The following PRDM14 variants were observed in gnomAD, a reference collection of about 807,000 sequenced individuals.
PRDM14 encodes the protein PR/SET domain 14, also known as PR domain zinc finger protein 14.
In PRDM14, 16 loss-of-function variants were observed where a neutral mutation model predicts 48.0. The observed-to-expected ratio is 0.33, with a 90% CI of 0.23 to 0.51. The LOEUF (loss-of-function observed/expected upper bound fraction) is 0.51, where lower values mean the gene tolerates loss of function less well. PRDM14 is among the 20% of genes least tolerant of loss of function. PRDM14 has a pLI of 0.97. For missense variants in PRDM14, 566 were observed against 719.6 expected (o/e 0.79, Z 2.44); for synonymous variants, 264 against 276.6 (o/e 0.95, Z 0.45).
rs1268237792 is a variant in PRDM14 at position 70,068,290 on chromosome 8, T to C, written c.852A>G (p.Gln284=). 1 of 1,614,180 alleles carries C rather than the reference T, an allele frequency of 6.2e-7. No homozygotes were observed. Among genetic ancestry groups the C allele is most frequent in the Non-Finnish European group, 8.5e-7 (1 of 1,180,034 alleles). The part of the protein sequence containing the change: ...IAKGVRFGPF[Q]GKVVNASEVK... ...CTTCACTGGCATTGACCACTTTACC[T>C]TGAAAGGGCCCAAACCTGACTCCTT... The change falls in exon 4 of 8, where the codon CAA becomes CAG. Residue 284 remains glutamine, a synonymous_variant. Coordinates refer to ENST00000276594, the MANE Select transcript of PRDM14 (RefSeq NM_024504.4).
Position 70,069,389 on chromosome 8 carries a change from A to G in PRDM14, c.472T>C (p.Ser158Pro). 2 of 1,610,858 alleles carry G rather than the reference A, an allele frequency of 1.2e-6. No individual in the cohort carries two copies. Among genetic ancestry groups the G allele is most frequent in the Admixed American group, 1.7e-5 (1 of 59,614 alleles). Residue 158 changes from serine (S) to proline (P), a missense_variant, in exon 2 of 8, where the codon TCT becomes CCT. Coordinates refer to ENST00000276594, the MANE Select transcript of PRDM14 (RefSeq NM_024504.4). Reference sequence around the variant, plus strand: ...GTCCTCAGCCCCTCAGGTAACAGAGAAGCATCCGCAGGGGGCGGTGGAATT... The same window carrying G: ...GTCCTCAGCCCCTCAGGTAACAGAGGAGCATCCGCAGGGGGCGGTGGAATT... ...TLIPPPPADA[S>P]LLPEGLRTSQ...
At position 70,068,405 on chromosome 8, in the gene PRDM14, C is replaced by T. The variant is rs746447169; in HGVS notation, c.755-18G>A. The T allele has an allele frequency of 6.2e-7, 1 of 1,614,056 alleles. No individual in the cohort carries two copies. The highest frequency in any genetic ancestry group is 1.1e-5 in the South Asian group (1 of 91,082). On this transcript the variant is annotated intron_variant, in intron 3 of 7. Coordinates refer to ENST00000276594, the MANE Select transcript of PRDM14 (RefSeq NM_024504.4). Reference sequence around the variant, plus strand: ...GCATAGACCTAGGGGAAAGCCGAGGCAGGAAAAGAGAATGAGGAGAGTTGA... The same window carrying T: ...GCATAGACCTAGGGGAAAGCCGAGGTAGGAAAAGAGAATGAGGAGAGTTGA...
chr8:70,051,770 T>G lies in PRDM14; in HGVS notation c.*307A>C, dbSNP rs13259222. 0.12 allele frequency: 29,389 copies of G among 247,350 alleles called. 2,244 individuals carry two copies. The highest frequency in any genetic ancestry group is 0.16 in the Non-Finnish European group (20,848 of 127,494). The allele number at this position is 247,350 out of a possible 1,614,324, so 15.3% of individuals were successfully genotyped here. A position where few individuals can be genotyped will look rare whatever the true frequency, so the allele number is the denominator to read the frequency against. On this transcript the variant is annotated 3_prime_UTR_variant, in exon 8 of 8. Coordinates refer to ENST00000276594, the MANE Select transcript of PRDM14 (RefSeq NM_024504.4). ...CCACACTCTTGAGGGCTACTCATTT[T>G]TTTTGTTTTGTTTTGTTTTGAGACA... is the stretch of plus-strand genomic sequence containing the variant.
intron 5 of PRDM14, among the ~76,000 whole-genome samples, chr8:70,061,035 T>G (rs1302882594): frequency 1.3e-5 from 2 of 152,222 alleles, no homozygotes; most frequent in Admixed American, 1.3e-4. Context: ...CTTACCAATG[T>G]GAGTGATACT....
chr8:70,069,047 C>G (rs1172468163), intron 2 of PRDM14, 114 bp downstream of exon 2: 1 of 815,970 alleles, frequency 1.2e-6, no homozygotes, highest in East Asian at 2.6e-5. Context: ...GGTACTTCCC[C>G]CTTCCCGCAC....
Position 70,069,319 on chromosome 8 carries a change from C to T in PRDM14, c.542G>A (p.Gly181Asp), listed in dbSNP as rs573502327. 1.1e-5 allele frequency: 17 copies of T among 1,611,450 alleles called. No individual in the cohort carries two copies. The highest frequency in any genetic ancestry group is 8.4e-5 in the Admixed American group (5 of 59,694). Residue 181 changes from glycine (G) to aspartate (D), a missense_variant, in exon 2 of 8, where the codon GGT becomes GAT. By Grantham distance (94) the Gly-to-Asp change is moderately conservative (BLOSUM62 -1). This residue lies in a region of PRDM14 where 410 missense variants were observed against 424.6 expected (regional missense o/e 0.97). Coordinates refer to ENST00000276594, the MANE Select transcript of PRDM14 (RefSeq NM_024504.4). ...CCCTTCTTGGTTGGAGGGTTTGGGA[C>T]CATCCTCTGACTGCTTGCTGGGTGA... is the stretch of plus-strand genomic sequence containing the variant. ...PCSPSKQSED[G>D]PKPSNQEGKS...
intron 1 of PRDM14, among the ~76,000 whole-genome samples, chr8:70,070,132 T>C (rs545015514): frequency 2.0e-5 from 3 of 152,276 alleles, no homozygotes; most frequent in East Asian, 3.9e-4. Flanking sequence ...AATTCCGGGT[T>C]AGTGTTGCCT....
At position 70,062,556 on chromosome 8, in the gene PRDM14, C is replaced by G. The variant is rs137997655; in HGVS notation, c.1183+3679G>C. Among the ~76,000 whole-genome samples, 846 of 152,054 alleles carry G rather than the reference C, an allele frequency of 5.6e-3. 5 individuals carry two copies. The highest frequency in any genetic ancestry group is 0.02 in the African/African-American group (813 of 41,456). ...TTGCTCGGTCTGCAACCTCCGCCCCCGGTTTCAAGCGATTATCCGGCTCCA... is the reference window on the plus strand; with the variant it reads ...TTGCTCGGTCTGCAACCTCCGCCCCGGGTTTCAAGCGATTATCCGGCTCCA... On this transcript the variant is annotated intron_variant, in intron 5 of 7. Coordinates refer to ENST00000276594, the MANE Select transcript of PRDM14 (RefSeq NM_024504.4).
At chr8:70,060,013 A>G (rs1180929596) in intron 5 of PRDM14, among the ~76,000 whole-genome samples, 1 of 151,838 alleles carries the variant, frequency 6.6e-6, no homozygotes, top group Admixed American at 6.6e-5. Context: ...GAATCACTTG[A>G]ACCTGGGAGG....
intron 1 of PRDM14, 23 bp from the exon 2 acceptor site, chr8:70,069,907 G>T: frequency 6.9e-7 from 1 of 1,440,384 alleles, no homozygotes; most frequent in Non-Finnish European, 9.3e-7. Flanking sequence ...GGGCGCCGCT[G>T]AGGACACCGC....
Position 70,069,238 on chromosome 8 carries a change from C to G in PRDM14, c.623G>C (p.Gly208Ala). 1 of 1,598,084 alleles carries G rather than the reference C, an allele frequency of 6.3e-7. No homozygotes were observed. Among genetic ancestry groups the G allele is most frequent in the Non-Finnish European group, 8.5e-7 (1 of 1,172,198 alleles). ...TGGGTGCTCCAGGCTGGGAGTGACC[C>G]CGTACAGAACGAAGTGCAGGTCCTC... ...TEEDLHFVLY[G>A]VTPSLEHPAS... The change falls in exon 2 of 8, where the codon GGG becomes GCG. Residue 208 changes from glycine to alanine, a missense_variant. Around this residue, in one of 3 missense-constraint regions of PRDM14, gnomAD observed 410 missense variants for 424.6 expected, o/e 0.97. Transcript: ENST00000276594.
At position 70,070,020 on chromosome 8, in the gene PRDM14, C is replaced by T. The variant is rs1008694655; in HGVS notation, c.-24-136G>A. 6 of 560,500 alleles carry T rather than the reference C, an allele frequency of 1.1e-5. No individual in the cohort carries two copies. In the African/African-American group the frequency reaches 1.1e-4, roughly 11 times the overall value. 34.7% of individuals were successfully genotyped at this position (560,500 alleles called of 1,614,324 possible). On this transcript the variant is annotated intron_variant, in intron 1 of 7. Coordinates refer to ENST00000276594, the MANE Select transcript of PRDM14 (RefSeq NM_024504.4). Reference sequence around the variant, plus strand: ...AGGATAAACGCCCCCAGTCCGATCCCGCCAGCCCGCTCCCACAATTAAGAC... The same window carrying T: ...AGGATAAACGCCCCCAGTCCGATCCTGCCAGCCCGCTCCCACAATTAAGAC...
chr8:70,057,019 G>GC (rs1398996525), intron 6 of PRDM14, among the ~76,000 whole-genome samples: 2 of 149,936 alleles, frequency 1.3e-5, no homozygotes, highest in African/African-American at 2.5e-5. Context: ...AGGCTGGAGT[G>GC]CGGTGGCGCG....
chr8:70,053,138 C>G (rs1299753607), intron 7 of PRDM14, among the ~76,000 whole-genome samples: 1 of 150,262 alleles, frequency 6.7e-6, no homozygotes, highest in Non-Finnish European at 1.5e-5. Flanking sequence ...ACCAACCCCA[C>G]CCAAGAGAGT....
chr8:70,064,850 C>T (rs1805641177), intron 5 of PRDM14, among the ~76,000 whole-genome samples: 1 of 150,702 alleles, frequency 6.6e-6, no homozygotes, highest in Non-Finnish European at 1.5e-5. Flanking sequence ...CTGCTCCTTA[C>T]ACATTTATTA....
chr8:70,069,823 T>C lies in PRDM14; in HGVS notation c.38A>G (p.Asp13Gly), dbSNP rs775365756. Residue 13 changes from aspartate to glycine, a missense_variant, in exon 2 of 8, where the codon GAC becomes GGC. Around this residue, in one of 3 missense-constraint regions of PRDM14, gnomAD observed 410 missense variants for 424.6 expected, o/e 0.97. Coordinates refer to ENST00000276594, the MANE Select transcript of PRDM14 (RefSeq NM_024504.4). Reference protein sequence around the residue: ...LPRPSEAVPQDKVCYPPESSP... With the variant: ...LPRPSEAVPQGKVCYPPESSP... The stretch of plus-strand genomic sequence containing the variant: ...GCTCTCCGGCGGGTAGCACACCTTG[T>C]CCTGAGGCACGGCCTCACTTGGCCG... 2 of 1,608,516 alleles carry C rather than the reference T, an allele frequency of 1.2e-6. No homozygotes were observed. The highest frequency in any genetic ancestry group is 1.7e-6 in the Non-Finnish European group (2 of 1,178,078).
chr8:70,058,959 A>T (rs1805525756), intron 5 of PRDM14, 117 bp from the exon 6 acceptor site: 5 of 899,932 alleles, frequency 5.6e-6, no homozygotes, highest in African/African-American at 1.7e-5. Flanking sequence ...CTTCAAGAGG[A>T]ATTTTCTTTT....
chr8:70,052,355 T>G, intron 7 of PRDM14, 51 bp from the exon 8 acceptor site: 9 of 1,439,628 alleles, frequency 6.3e-6, no homozygotes, highest in Non-Finnish European at 8.6e-6. Flanking sequence ...TTCCACGAGC[T>G]GGACAACCAA....
rs1420176340 is a variant in PRDM14 at position 70,058,645 on chromosome 8, G to A, written c.1381C>T (p.His461Tyr). The change falls in exon 6 of 8, where the codon CAC becomes TAC. Residue 461 changes from histidine (H) to tyrosine (Y), a missense_variant. Around this residue, in one of 3 missense-constraint regions of PRDM14, gnomAD observed 126 missense variants for 271.6 expected, o/e 0.46. Transcript: ENST00000276594. ...ILHVHEKHRP[H>Y]KCSTCGKCFS... The stretch of plus-strand genomic sequence containing the variant: ...TGTGTCCTCCTAATACTCACCTTGT[G>A]AGGCCGGTGCTTCTCATGAACATGA... 6 of 1,613,452 alleles carry A rather than the reference G, an allele frequency of 3.7e-6. No individual in the cohort carries two copies. The highest frequency in any genetic ancestry group is 5.1e-6 in the Non-Finnish European group (6 of 1,179,784).
Sources: gnomAD v4.1 joint callset for allele counts (sites outside exome capture counted in the v4.1 genomes callset) on GRCh38, gnomAD v4.1.1 for gene constraint, gnomAD v4.1.1 regional missense constraint, MANE v1.5 for transcripts, NCBI Gene and HGNC (gene_info 2026-07-23, HGNC 2026-07-21) for gene names.